Variants in SORCS1 observed in about 807,000 individuals in gnomAD.
SORCS1 encodes the protein VPS10 domain-containing receptor SorCS1.
SORCS1 carries 60 observed loss-of-function variants against 146.1 expected under a neutral mutation model. The observed-to-expected ratio is 0.41, with a 90% CI of 0.33 to 0.51. The LOEUF is 0.51. SORCS1 is among the 20% of genes least tolerant of loss of function. The probability of loss-of-function intolerance (pLI) is 0.21; values close to 1 mark genes in which losing one functional copy is unlikely to be tolerated. For synonymous variants in SORCS1, 637 were observed against 584.0 expected (o/e 1.09, Z -1.31); for missense variants, 1,352 against 1,487.6 (o/e 0.91, Z 1.50).
At chr10:106,893,868 G>C (rs1350295889) in intron 2 of SORCS1, among the ~76,000 whole-genome samples, 1 of 152,182 alleles carries the variant, frequency 6.6e-6, no homozygotes, top group Non-Finnish European at 1.5e-5. Flanking sequence ...TACATCATCA[G>C]TTCTGATATT....
intron 6 of SORCS1, among the ~76,000 whole-genome samples, chr10:106,709,647 A>G (rs945287709): frequency 1.3e-5 from 2 of 151,790 alleles, no homozygotes; most frequent in African/African-American, 4.8e-5. Context: ...ACGGGGTTTC[A>G]CCGTGTTAGC....
At chr10:106,706,264 G>GA (rs377395191) in intron 8 of SORCS1, among the ~76,000 whole-genome samples, 4 of 142,598 alleles carry the variant, frequency 2.8e-5, no homozygotes, top group South Asian at 2.2e-4. Flanking sequence ...AAGAGAAAGA[G>GA]AAAAAAAGAA....
intron 21 of SORCS1, among the ~76,000 whole-genome samples, chr10:106,613,380 C>A (rs1478339419): frequency 2.0e-5 from 3 of 152,108 alleles, no homozygotes; most frequent in Non-Finnish European, 4.4e-5. Flanking sequence ...GAGTGGGTGA[C>A]TACTCTGCAG....
At chr10:106,778,080 T>C (rs1174857004) in intron 3 of SORCS1, among the ~76,000 whole-genome samples, 1 of 152,270 alleles carries the variant, frequency 6.6e-6, no homozygotes, top group East Asian at 1.9e-4. Context: ...GAGGCAATCA[T>C]ATTAAAGCCT....
Position 107,053,516 on chromosome 10 carries a change from A to G in SORCS1, c.559-96936T>C, listed in dbSNP as rs1216340578. On this transcript the variant is annotated intron_variant, in intron 1 of 25. Transcript: ENST00000263054. ...TTACCAGTTGTATATTTCTTCTTCA[A>G]TTAGAATTTTTAGTCAATTGAAAAA... Among the ~76,000 whole-genome samples, 8 of 152,268 alleles carry G rather than the reference A, an allele frequency of 5.3e-5. No individual in the cohort carries two copies. In the South Asian group the frequency reaches 1.7e-3, roughly 32 times the overall value.
chr10:107,069,818 A>T (rs974035521), intron 1 of SORCS1, among the ~76,000 whole-genome samples: 2 of 152,262 alleles, frequency 1.3e-5, no homozygotes, highest in Non-Finnish European at 2.9e-5. Context: ...TGCCTCTTTA[A>T]AAAATAAGAT....
At chr10:106,999,829 G>C (rs190308270) in intron 1 of SORCS1, among the ~76,000 whole-genome samples, 40 of 152,214 alleles carry the variant, frequency 2.6e-4, no homozygotes, top group Middle Eastern at 3.4e-3. Context: ...ACAGGATAAG[G>C]GGAAATTTTA....
intron 1 of SORCS1, among the ~76,000 whole-genome samples, chr10:107,053,946 C>G (rs1346417053): frequency 6.6e-6 from 1 of 152,074 alleles, no homozygotes; most frequent in Non-Finnish European, 1.5e-5. Context: ...TAGTTTTGAA[C>G]CTTTATTGCA....
At chr10:107,081,115 T>C (rs1332426360) in intron 1 of SORCS1, among the ~76,000 whole-genome samples, 2 of 152,196 alleles carry the variant, frequency 1.3e-5, no homozygotes, top group South Asian at 2.1e-4. Context: ...TCAGATCTAA[T>C]CCAAAAAGCT....
intron 6 of SORCS1, 66 bp from the exon 7 acceptor site, chr10:106,709,407 C>A: frequency 1.1e-6 from 1 of 879,766 alleles, no homozygotes; most frequent in Non-Finnish European, 1.8e-6. Flanking sequence ...GATTTACAGT[C>A]AGGGTGGACG....
intron 5 of SORCS1, among the ~76,000 whole-genome samples, chr10:106,748,828 A>G (rs1857937579): frequency 6.6e-6 from 1 of 152,140 alleles, no homozygotes; most frequent in East Asian, 1.9e-4. Context: ...AAATATGTCA[A>G]TATTGATTAT....
In SORCS1 at chr10:106,921,745, G is replaced by A. The variant is rs537520219; in HGVS notation, c.626+34768C>T. Among the ~76,000 whole-genome samples the A allele has an allele frequency of 1.1e-4, 16 of 152,204 alleles. No individual in the cohort carries two copies. In the South Asian group the frequency reaches 2.3e-3, roughly 22 times the overall value. On this transcript the variant is annotated intron_variant, in intron 2 of 25. Transcript: ENST00000263054. ...ACAATAGGAAACTATAAACTCTGTCGGTATTAATGCTAAGGGTCCAGTGCC... is the reference window on the plus strand; with the variant it reads ...ACAATAGGAAACTATAAACTCTGTCAGTATTAATGCTAAGGGTCCAGTGCC...
At position 106,588,261 on chromosome 10, in the gene SORCS1, C is replaced by T. The variant is rs577418626; in HGVS notation, c.3266-8787G>A. 5.9e-5 allele frequency among the ~76,000 whole-genome samples: 9 copies of T among 152,302 alleles called. 1 individual carries two copies. The South Asian group carries it at 1.9e-3, about 32-fold the overall frequency. ...TTCAGGGGCATGTTTCATTTTCTCC[C>T]CCTTCCTCATTGTCATTTGCCCATT... On this transcript the variant is annotated intron_variant, in intron 24 of 25. Coordinates refer to ENST00000263054, the MANE Select transcript of SORCS1 (RefSeq NM_052918.5).
chr10:106,797,520 CTT>C (rs66978703), intron 3 of SORCS1, among the ~76,000 whole-genome samples: 5 of 148,058 alleles, frequency 3.4e-5, no homozygotes, highest in Non-Finnish European at 1.5e-5. Context: ...TGAGGAGTTG[CTT>C]TTTTTTTTAG....
rs1961093761 is a variant in SORCS1 at position 107,060,546 on chromosome 10, C to T, written c.558+103423G>A. 6.6e-6 allele frequency among the ~76,000 whole-genome samples: 1 copy of T among 152,208 alleles called. No homozygotes were observed. The highest frequency in any genetic ancestry group is 2.1e-4 in the South Asian group (1 of 4,826). ...GTCCTCATATTTCCCAACATCCTCTCAGGCCTCAAGGACCTTCCTTGGGAT... is the reference window on the plus strand; with the variant it reads ...GTCCTCATATTTCCCAACATCCTCTTAGGCCTCAAGGACCTTCCTTGGGAT... On this transcript the variant is annotated intron_variant, in intron 1 of 25. Transcript: ENST00000263054. The surrounding 1 kb of genome is among the most constrained non-coding windows in gnomAD (Gnocchi z 4.1).
At chr10:106,677,227 A>G (rs1300121649) in intron 13 of SORCS1, 86 bp downstream of exon 13, 3 of 1,251,650 alleles carry the variant, frequency 2.4e-6, no homozygotes, top group Non-Finnish European at 3.5e-6. Flanking sequence ...ACAGAAACAG[A>G]CACGGTTTGA....
At chr10:107,120,521 CTTA>C (rs1393243209) in intron 1 of SORCS1, among the ~76,000 whole-genome samples, 2 of 152,126 alleles carry the variant, frequency 1.3e-5, no homozygotes, top group African/African-American at 2.4e-5. Flanking sequence ...AGCAGTGATA[CTTA>C]TTAGTTTATA....
At chr10:106,801,674 C>T (rs183029416) in intron 3 of SORCS1, among the ~76,000 whole-genome samples, 97 of 151,976 alleles carry the variant, frequency 6.4e-4, no homozygotes, top group Admixed American at 3.7e-3. Flanking sequence ...GGACTACAGG[C>T]GCCCGCCACC....
chr10:106,725,543 C>T (rs971444505), intron 6 of SORCS1, among the ~76,000 whole-genome samples: 2 of 138,618 alleles, frequency 1.4e-5, no homozygotes, highest in Non-Finnish European at 3.2e-5. Context: ...AAGAGCAAAA[C>T]TCCATCACAT....
Sources: gnomAD v4.1 joint callset for allele counts (sites outside exome capture counted in the v4.1 genomes callset) on GRCh38, gnomAD v4.1.1 for gene constraint, Gnocchi (gnomAD v3.1) non-coding constraint, MANE v1.5 for transcripts, NCBI Gene and HGNC (gene_info 2026-07-23, HGNC 2026-07-21) for gene names.